The following RNF6 variants were observed in gnomAD, a reference collection of about 807,000 sequenced individuals.
RNF6 encodes E3 ubiquitin-protein ligase RNF6.
Under a neutral mutation model 50.1 loss-of-function variants are expected in RNF6, and 21 were observed. The observed-to-expected ratio is 0.42, with a 90% confidence interval of 0.30 to 0.60. The LOEUF (loss-of-function observed/expected upper bound fraction) is 0.60. RNF6 is among the 20% of genes least tolerant of loss of function. The pLI, the probability that RNF6 is intolerant of heterozygous loss-of-function variation, is 0.20. For missense variants in RNF6, 698 were observed against 838.2 expected (o/e 0.83, Z 2.07); for synonymous variants, 255 against 291.8 (o/e 0.87, Z 1.29).
At position 26,161,402 on chromosome 13, in the gene RNF6, A is replaced by G. The variant is rs368419510; in HGVS notation, n.769-28951T>C. On this transcript the variant is annotated intron_variant and non_coding_transcript_variant, in intron 5 of 5. Transcript: ENST00000468480. ...GAATAAAATTTTATGAACTGTATGA[A>G]TGGTTTGGGTAAAGTTGACCTTCAC... 7.9e-5 allele frequency among the ~76,000 whole-genome samples: 12 copies of G among 152,330 alleles called. No homozygotes were observed. The East Asian group carries it at 2.1e-3, about 27-fold the overall frequency.
intron 4 of RNF6, 141 bp downstream of exon 4, chr13:26,218,370 A>T (rs559017186): frequency 1.6e-6 from 1 of 632,942 alleles, no homozygotes; most frequent in Non-Finnish European, 2.8e-6. Flanking sequence ...CTGCTTTACT[A>T]CTCATATATA....
chr13:26,184,929 G>A (rs1370407748), intron 5 of RNF6, among the ~76,000 whole-genome samples: 1 of 152,156 alleles, frequency 6.6e-6, no homozygotes, highest in Non-Finnish European at 1.5e-5. Context: ...TCTACCTAGT[G>A]AGCTCCAAAG....
rs149442560 is a variant in RNF6, at chr13:26,198,050, T to TATACATAC, written n.768+17416_768+17423dup. ...ATATCAAAATTTGTGGATGTGTATA[T>TATACATAC]ATACATACATACATACATATGTATA... On this transcript the variant is annotated intron_variant and non_coding_transcript_variant, in intron 5 of 5. Transcript: ENST00000468480. Among the ~76,000 whole-genome samples the TATACATAC allele has an allele frequency of 8.6e-5, 13 of 151,098 alleles. No homozygotes were observed. In the East Asian group the frequency reaches 1.2e-3, roughly 14 times the overall value.
chr13:26,146,918 C>T (rs1444369761), intron 5 of RNF6, among the ~76,000 whole-genome samples: 3 of 152,144 alleles, frequency 2.0e-5, no homozygotes, highest in Non-Finnish European at 4.4e-5. Flanking sequence ...ATAGAGCTCT[C>T]ATGAGATCTG....
At chr13:26,157,976 T>C (rs1420520449) in intron 5 of RNF6, among the ~76,000 whole-genome samples, 3 of 151,624 alleles carry the variant, frequency 2.0e-5, no homozygotes, top group Non-Finnish European at 4.4e-5. Flanking sequence ...GATAGATAGA[T>C]AGATAGATAG....
At chr13:26,191,667 T>C (rs935805537) in intron 5 of RNF6, among the ~76,000 whole-genome samples, 2 of 152,214 alleles carry the variant, frequency 1.3e-5, no homozygotes, top group African/African-American at 4.8e-5. Flanking sequence ...TCCCTGTCAC[T>C]TTCCACCATG....
At chr13:26,169,040 C>G (rs1419905826) in intron 5 of RNF6, among the ~76,000 whole-genome samples, 2 of 152,130 alleles carry the variant, frequency 1.3e-5, no homozygotes, top group African/African-American at 4.8e-5. Flanking sequence ...CCCAGAAAGA[C>G]ACGTTCACAG....
intron 5 of RNF6, among the ~76,000 whole-genome samples, chr13:26,191,337 T>G (rs1277569837): frequency 6.6e-6 from 1 of 152,180 alleles, no homozygotes. Context: ...CAAGTTGCTG[T>G]GGATAAAAAA....
At chr13:26,187,613 T>G (rs1434887951) in intron 5 of RNF6, among the ~76,000 whole-genome samples, 2 of 152,208 alleles carry the variant, frequency 1.3e-5, no homozygotes, top group Non-Finnish European at 1.5e-5. Flanking sequence ...TGTTAATGGT[T>G]AAGTAACGTA....
At chr13:26,139,521 A>G (rs919690296) in intron 5 of RNF6, among the ~76,000 whole-genome samples, 1 of 152,162 alleles carries the variant, frequency 6.6e-6, no homozygotes, top group Non-Finnish European at 1.5e-5. Context: ...ACCTCCATAA[A>G]TTAAAATCCC....
intron 5 of RNF6, among the ~76,000 whole-genome samples, chr13:26,201,176 G>A (rs1461489712): frequency 1.3e-5 from 2 of 152,094 alleles, no homozygotes; most frequent in Non-Finnish European, 2.9e-5. Flanking sequence ...ATTTTGCACT[G>A]AGTCCAGCAA....
intron 5 of RNF6, among the ~76,000 whole-genome samples, chr13:26,171,959 T>C (rs1475775424): frequency 1.3e-5 from 2 of 152,184 alleles, no homozygotes; most frequent in Admixed American, 6.5e-5. Context: ...TTTGGGATGA[T>C]GAAATGGTTT....
intron 5 of RNF6, among the ~76,000 whole-genome samples, chr13:26,177,834 C>T (rs1363351525): frequency 1.3e-5 from 2 of 152,236 alleles, no homozygotes; most frequent in African/African-American, 4.8e-5. Flanking sequence ...TAGCTATGCC[C>T]TACTCCACCA....
At chr13:26,168,293 CT>C (rs1872539844) in intron 5 of RNF6, among the ~76,000 whole-genome samples, 1 of 152,116 alleles carries the variant, frequency 6.6e-6, no homozygotes, top group African/African-American at 2.4e-5. Flanking sequence ...TTGGTAATGG[CT>C]ATGAACAGGA....
At chr13:26,134,360 G>A (rs995473756) in intron 5 of RNF6, among the ~76,000 whole-genome samples, 9 of 152,246 alleles carry the variant, frequency 5.9e-5, no homozygotes, top group South Asian at 2.1e-4. Flanking sequence ...GGCCTTTGCC[G>A]GCATGGGTGA....
rs533653215 is a variant in RNF6 at position 26,172,822 on chromosome 13, C to A, written n.769-40371G>T. Among the ~76,000 whole-genome samples, 11 of 152,140 alleles carry A rather than the reference C, an allele frequency of 7.2e-5. No individual in the cohort carries two copies. The South Asian group carries it at 2.3e-3, about 32-fold the overall frequency. The stretch of plus-strand genomic sequence containing the variant: ...CCTCCCAAAGTGCTGGGATTACAGG[C>A]GTGAGCCACCGCACCCGGCCTAGAA... On this transcript the variant is annotated intron_variant and non_coding_transcript_variant, in intron 5 of 5. Transcript: ENST00000468480.
intron 5 of RNF6, chr13:26,149,024 T>G (rs145875675): frequency 1.2e-3 from 177 of 152,160 alleles, no homozygotes; most frequent in African/African-American, 4.1e-3. Context: ...TGGAGTATGG[T>G]CTTCTTTATT....
intron 5 of RNF6, among the ~76,000 whole-genome samples, chr13:26,162,969 G>A (rs1278188210): frequency 6.6e-6 from 1 of 152,134 alleles, no homozygotes; most frequent in Non-Finnish European, 1.5e-5. Flanking sequence ...ATACAAAGAT[G>A]GAGAGACTAG....
intron 5 of RNF6, among the ~76,000 whole-genome samples, chr13:26,182,056 T>G (rs1449216637): frequency 6.6e-6 from 1 of 152,238 alleles, no homozygotes; most frequent in East Asian, 1.9e-4. Context: ...TTTTTAAGGC[T>G]TATTTTATAA....
Sources: allele counts gnomAD v4.1 joint callset (sites outside exome capture counted in the v4.1 genomes callset), GRCh38; gene constraint gnomAD v4.1.1; transcripts MANE v1.5; gene names NCBI Gene and HGNC (gene_info 2026-07-23, HGNC 2026-07-21).